The following CFAP161 variants were observed in gnomAD, a reference collection of about 807,000 sequenced individuals.
The protein encoded by CFAP161 is cilia- and flagella-associated protein 161.
In CFAP161, 25 loss-of-function variants were observed where a neutral mutation model predicts 29.0. The ratio of observed to expected loss-of-function variants is 0.86; its 90% CI spans 0.63 to 1.20. CFAP161 has a LOEUF of 1.20. Among genes scored for constraint, CFAP161 ranks in the 50% most tolerant of loss-of-function variants. The pLI is 0.00. For missense variants in CFAP161, 367 were observed against 371.9 expected (o/e 0.99, Z 0.11); for synonymous variants, 116 against 137.4 (o/e 0.84, Z 1.09).
chr15:81,105,040 G>A (rs1894344439), intron 1 of CFAP161, among the ~76,000 whole-genome samples: 1 of 150,494 alleles, frequency 6.6e-6, no homozygotes, highest in Non-Finnish European at 1.5e-5. Context: ...GATCCTTGAT[G>A]TTCCCTGTCT....
upstream of CFAP161, among the ~76,000 whole-genome samples, chr15:81,132,029 C>T (rs551625474): frequency 6.6e-6 from 1 of 152,242 alleles, no homozygotes; most frequent in South Asian, 2.1e-4. Flanking sequence ...GTAATCCCAG[C>T]ACTTTGGAAG....
chr15:81,109,603 C>T (rs759773273), intron 1 of CFAP161, among the ~76,000 whole-genome samples: 4 of 152,124 alleles, frequency 2.6e-5, no homozygotes, highest in Non-Finnish European at 5.9e-5. Context: ...ATTCAGGAGG[C>T]TGAGGCAGGA....
intron 4 of CFAP161, among the ~76,000 whole-genome samples, chr15:81,139,669 A>T (rs796748376): frequency 6.6e-6 from 1 of 152,076 alleles, no homozygotes; most frequent in East Asian, 1.9e-4. Flanking sequence ...TTTCTCTTTT[A>T]TATGTAAAGT....
At chr15:81,101,424 G>T (rs1448781768) in intron 1 of CFAP161, among the ~76,000 whole-genome samples, 1 of 150,824 alleles carries the variant, frequency 6.6e-6, no homozygotes, top group African/African-American at 2.4e-5. Flanking sequence ...CTACTTGGGA[G>T]GCTGAGGCGG....
chr15:81,117,710 A>C (rs1375342621), intron 1 of CFAP161: 5 of 305,332 alleles, frequency 1.6e-5, no homozygotes, highest in Non-Finnish European at 3.3e-5. Context: ...CTTCATCCTC[A>C]TCTTCATCCT....
intron 5 of CFAP161, among the ~76,000 whole-genome samples, chr15:81,146,865 T>A (rs1173373175): frequency 1.3e-4 from 8 of 63,368 alleles, no homozygotes; most frequent in Middle Eastern, 6.7e-3. Context: ...TATATATATA[T>A]ATATATATAT....
chr15:81,144,156 C>T (rs1894966489), intron 5 of CFAP161, among the ~76,000 whole-genome samples: 2 of 152,222 alleles, frequency 1.3e-5, no homozygotes, highest in African/African-American at 2.4e-5. Flanking sequence ...TCTGGCTGCA[C>T]GTTAGAATCG....
At chr15:81,129,210 A>T (rs1202724978) in intron 2 of CFAP161, among the ~76,000 whole-genome samples, 1 of 152,140 alleles carries the variant, frequency 6.6e-6, no homozygotes, top group Non-Finnish European at 1.5e-5. Flanking sequence ...AAAGCTGCAA[A>T]CAGATGTGCT....
upstream of CFAP161, among the ~76,000 whole-genome samples, chr15:81,133,229 T>A (rs112180502): frequency 0.024 from 2,143 of 90,374 alleles, 146 homozygotes; most frequent in Non-Finnish European, 0.043. Flanking sequence ...ATATATGTAT[T>A]TTTTTTTAAA....
chr15:81,128,470 ACTC>A (rs1448466301), intron 2 of CFAP161, among the ~76,000 whole-genome samples: 1 of 151,822 alleles, frequency 6.6e-6, no homozygotes, highest in Non-Finnish European at 1.5e-5. Flanking sequence ...ATAAGCAGCA[ACTC>A]CTCCTCAAGA....
chr15:81,139,674 TA>T (rs1366045677), intron 4 of CFAP161, among the ~76,000 whole-genome samples: 1 of 152,204 alleles, frequency 6.6e-6, no homozygotes, highest in Non-Finnish European at 1.5e-5. Flanking sequence ...CTTTTATATG[TA>T]AAGTTCCAGT....
At position 81,149,063 on chromosome 15, in the gene CFAP161, T is replaced by C. The variant is rs1895064392; in HGVS notation, c.*530T>C. The C allele has an allele frequency of 6.6e-6, 1 of 152,244 alleles. No individual in the cohort carries two copies. The highest frequency in any genetic ancestry group is 2.4e-5 in the African/African-American group (1 of 41,464). 9.4% of individuals were successfully genotyped at this position (152,244 alleles called of 1,614,324 possible). ...CTCTACCTGATCAGTAACCTATTAT[T>C]TTGTAATGATTTTTAAGCTGCAGAA... On this transcript the variant is annotated 3_prime_UTR_variant, in exon 7 of 7. Coordinates refer to ENST00000286732, the MANE Select transcript of CFAP161 (RefSeq NM_173528.4).
At chr15:81,133,221 A>ATATATG (rs1555449897), upstream of CFAP161, among the ~76,000 whole-genome samples, 61 of 32,484 alleles carry the variant, frequency 1.9e-3, 1 homozygote, top group Admixed American at 2.4e-3. Flanking sequence ...ATATATATAT[A>ATATATG]TATGTATTTT....
chr15:81,137,998 T>C, intron 3 of CFAP161, 53 bp from the exon 4 acceptor site: 1 of 1,356,344 alleles, frequency 7.4e-7, no homozygotes, highest in East Asian at 2.4e-5. Context: ...AGTCATAGAA[T>C]GATTCTAATA....
chr15:81,134,521 C>T (rs1328295414), intron 1 of CFAP161, 123 bp downstream of exon 1: 6 of 950,606 alleles, frequency 6.3e-6, no homozygotes, highest in Middle Eastern at 2.3e-4. Context: ...GCGAATACCT[C>T]TAAAATCCCC....
intron 1 of CFAP161, among the ~76,000 whole-genome samples, chr15:81,101,526 C>CAAAAAAAA (rs527465471): frequency 2.2e-5 from 1 of 46,106 alleles, no homozygotes; most frequent in African/African-American, 1.0e-4. Flanking sequence ...GACTCTGTCT[C>CAAAAAAAA]AAAAAAAAAA....
intron 1 of CFAP161, among the ~76,000 whole-genome samples, chr15:81,106,926 C>T (rs994402118): frequency 1.1e-4 from 17 of 152,128 alleles, no homozygotes; most frequent in African/African-American, 3.1e-4. Flanking sequence ...ATTAGCCGGG[C>T]GTGATGGTGT....
At chr15:81,103,833 A>C (rs1447511434) in intron 1 of CFAP161, among the ~76,000 whole-genome samples, 1 of 152,194 alleles carries the variant, frequency 6.6e-6, no homozygotes, top group Non-Finnish European at 1.5e-5. Context: ...TCCTCAGTCC[A>C]TGGGTTCTGA....
chr15:81,146,834 AT>A (rs1895014565), intron 5 of CFAP161, among the ~76,000 whole-genome samples: 1 of 12,488 alleles, frequency 8.0e-5, no homozygotes, highest in Non-Finnish European at 1.2e-4. Flanking sequence ...AGCTACAAAT[AT>A]ATATATATAT....
Sources: gnomAD v4.1 joint callset for allele counts (sites outside exome capture counted in the v4.1 genomes callset) on GRCh38, gnomAD v4.1.1 for gene constraint, MANE v1.5 for transcripts, NCBI Gene and HGNC (gene_info 2026-07-23, HGNC 2026-07-21) for gene names.